NAALADL2: variants seen among roughly 807,000 people sequenced by gnomAD.
NAALADL2 encodes inactive N-acetylated-alpha-linked acidic dipeptidase-like protein 2.
A neutral mutation model predicts 87.2 loss-of-function variants in NAALADL2; 76 were observed. The ratio of observed to expected loss-of-function variants is 0.87; its 90% CI spans 0.72 to 1.05. NAALADL2 has a LOEUF of 1.05. NAALADL2 is among the 50% of genes least tolerant of loss of function. The pLI is 0.00. For synonymous variants in NAALADL2, 354 were observed against 331.0 expected (o/e 1.07, Z -0.75); for missense variants, 1,089 against 945.8 (o/e 1.15, Z -1.99).
chr3:175,575,432 C>G (rs2149554398), intron 9 of NAALADL2, among the ~76,000 whole-genome samples: 1 of 152,084 alleles, frequency 6.6e-6, no homozygotes, highest in South Asian at 2.1e-4. Flanking sequence ...TTACAGGCTC[C>G]TGCCACCACA....
intron 4 of NAALADL2, among the ~76,000 whole-genome samples, chr3:175,265,317 T>C (rs190726039): frequency 2.2e-4 from 34 of 151,850 alleles, no homozygotes; most frequent in African/African-American, 7.9e-4. Context: ...GACTTTGTGA[T>C]TTAGCATAGT....
intron 1 of NAALADL2, among the ~76,000 whole-genome samples, chr3:174,961,833 G>T (rs1049922764): frequency 6.6e-6 from 1 of 151,934 alleles, no homozygotes; most frequent in Non-Finnish European, 1.5e-5. Flanking sequence ...AGACAGACAT[G>T]GTTCTACATG....
chr3:174,809,981 G>T (rs1009199965), intron 3 of NAALADL2, among the ~76,000 whole-genome samples: 1 of 152,108 alleles, frequency 6.6e-6, no homozygotes, highest in African/African-American at 2.4e-5. Flanking sequence ...TGCTCCTGCT[G>T]TGGAAGATGC....
intron 11 of NAALADL2, among the ~76,000 whole-genome samples, chr3:175,630,726 A>T (rs950734098): frequency 3.3e-5 from 5 of 151,712 alleles, no homozygotes; most frequent in African/African-American, 1.2e-4. Context: ...GTATCACAAC[A>T]TATCACAGGT....
At chr3:174,460,974 T>G (rs1347458603) in intron 1 of NAALADL2, among the ~76,000 whole-genome samples, 1 of 152,062 alleles carries the variant, frequency 6.6e-6, no homozygotes, top group African/African-American at 2.4e-5. Context: ...TGTTCCGTAC[T>G]ACTAGTATGA....
intron 5 of NAALADL2, among the ~76,000 whole-genome samples, chr3:175,390,905 G>A (rs542872937): frequency 1.9e-3 from 294 of 152,236 alleles, no homozygotes; most frequent in African/African-American, 6.8e-3. Flanking sequence ...CCTGTACTAA[G>A]TAGCACCTTT....
intron 2 of NAALADL2, among the ~76,000 whole-genome samples, chr3:174,618,951 C>T (rs1353225383): frequency 6.6e-6 from 1 of 151,868 alleles, no homozygotes; most frequent in African/African-American, 2.4e-5. Context: ...AAAATAGGTA[C>T]ATGAACCTTT....
At chr3:174,582,917 A>AT (rs1160801328) in intron 2 of NAALADL2, among the ~76,000 whole-genome samples, 1 of 152,052 alleles carries the variant, frequency 6.6e-6, no homozygotes, top group Non-Finnish European at 1.5e-5. Flanking sequence ...TTTTCAGAAC[A>AT]TTTGTAGTTT....
At chr3:175,157,975 A>G (rs1030707678) in intron 2 of NAALADL2, among the ~76,000 whole-genome samples, 2 of 152,256 alleles carry the variant, frequency 1.3e-5, no homozygotes, top group African/African-American at 4.8e-5. Flanking sequence ...CATGCACCAA[A>G]ACCAAAGGAG....
At chr3:175,267,495 A>G (rs1752131819) in intron 4 of NAALADL2, among the ~76,000 whole-genome samples, 1 of 152,296 alleles carries the variant, frequency 6.6e-6, no homozygotes, top group Admixed American at 6.5e-5. Flanking sequence ...TGCCTGACTC[A>G]TAGATCCTTT....
chr3:174,722,527 C>A (rs1042878273), intron 2 of NAALADL2, among the ~76,000 whole-genome samples: 2 of 152,034 alleles, frequency 1.3e-5, no homozygotes, highest in Non-Finnish European at 2.9e-5. Context: ...ATGGTGAAAC[C>A]CCATCTCTAC....
chr3:174,777,605 G>A (rs905394582), intron 3 of NAALADL2, among the ~76,000 whole-genome samples: 1 of 152,066 alleles, frequency 6.6e-6, no homozygotes, highest in African/African-American at 2.4e-5. Context: ...ATTTAATGTA[G>A]ACATGAATAA....
intron 11 of NAALADL2, among the ~76,000 whole-genome samples, chr3:175,709,055 A>G (rs1366507733): frequency 2.6e-5 from 4 of 151,688 alleles, no homozygotes; most frequent in African/African-American, 9.7e-5. Flanking sequence ...TCTTGGGGTG[A>G]CTCTTATCAT....
At chr3:175,181,779 G>GTGTATATATGTGTA (rs1560129230) in intron 2 of NAALADL2, among the ~76,000 whole-genome samples, 45 of 140,226 alleles carry the variant, frequency 3.2e-4, no homozygotes, top group Admixed American at 1.5e-3. Flanking sequence ...GTGTATATAT[G>GTGTATATATGTGTA]TATATATATG....
At chr3:175,055,756 C>T (rs187247873) in intron 1 of NAALADL2, among the ~76,000 whole-genome samples, 3,121 of 152,206 alleles carry the variant, frequency 0.021, 47 homozygotes, top group Admixed American at 0.031. Context: ...TTTCTACATT[C>T]TTTTTTAGTA....
chr3:175,775,467 A>T (rs546059296), intron 13 of NAALADL2, among the ~76,000 whole-genome samples: 1 of 152,240 alleles, frequency 6.6e-6, no homozygotes, highest in South Asian at 2.1e-4. Flanking sequence ...AAGCCTCATT[A>T]AAACAAACAA....
chr3:175,691,108 A>C (rs937440081), intron 11 of NAALADL2, among the ~76,000 whole-genome samples: 5 of 151,622 alleles, frequency 3.3e-5, no homozygotes, highest in African/African-American at 1.2e-4. Flanking sequence ...AACAGTAAGA[A>C]TTTCCGTAAT....
At chr3:174,645,522 TGCCCATGTAA>T (rs1490898231) in intron 2 of NAALADL2, among the ~76,000 whole-genome samples, 8 of 152,240 alleles carry the variant, frequency 5.3e-5, no homozygotes. Flanking sequence ...TCAGGGCTTA[TGCCCATGTAA>T]TTGGTAATGT....
At chr3:174,465,063 T>C (rs1716452488) in intron 1 of NAALADL2, among the ~76,000 whole-genome samples, 2 of 152,100 alleles carry the variant, frequency 1.3e-5, no homozygotes, top group Admixed American at 1.3e-4. Context: ...AATTTTAAAG[T>C]ATATGTAATG....
Sources: allele counts gnomAD v4.1 joint callset (sites outside exome capture counted in the v4.1 genomes callset), GRCh38; gene constraint gnomAD v4.1.1; transcripts MANE v1.5; gene names NCBI Gene and HGNC (gene_info 2026-07-23, HGNC 2026-07-21).